The following KATNIP variants were observed in gnomAD, a reference collection of about 807,000 sequenced individuals.
KATNIP encodes katanin interacting protein.
In KATNIP, 126 loss-of-function variants were observed where a neutral mutation model predicts 174.0. The observed-to-expected ratio is 0.72, with a 90% CI of 0.63 to 0.84. The LOEUF (loss-of-function observed/expected upper bound fraction) is 0.84, where lower values mean the gene tolerates loss of function less well. Among genes scored for constraint, KATNIP ranks in the 40% least tolerant of loss-of-function variants. The pLI is 0.00. For missense variants in KATNIP, 1,958 were observed against 2,109.7 expected (o/e 0.93, Z 1.41); for synonymous variants, 810 against 835.7 (o/e 0.97, Z 0.53).
At chr16:27,656,143 C>A (rs2077274627) in intron 6 of KATNIP, among the ~76,000 whole-genome samples, 1 of 152,044 alleles carries the variant, frequency 6.6e-6, no homozygotes, top group Non-Finnish European at 1.5e-5. Context: ...ATGTCAGTGG[C>A]AGCCAGGTGC....
chr16:27,578,474 T>C (rs2090578755), intron 2 of KATNIP, among the ~76,000 whole-genome samples: 1 of 152,086 alleles, frequency 6.6e-6, no homozygotes, highest in Non-Finnish European at 1.5e-5. Context: ...AAGAAGAGAA[T>C]GATAAACATT....
intron 13 of KATNIP, among the ~76,000 whole-genome samples, chr16:27,716,674 C>G (rs1252526286): frequency 1.3e-5 from 2 of 152,076 alleles, no homozygotes; most frequent in Non-Finnish European, 2.9e-5. Context: ...TCTAAAGATA[C>G]AGACATTTGA....
rs371323719 is a variant in KATNIP at position 27,628,740 on chromosome 16, A to T, written c.220A>T (p.Asn74Tyr). 6.2e-6 allele frequency: 10 copies of T among 1,614,070 alleles called. No individual in the cohort carries two copies. The highest frequency in any genetic ancestry group is 5.3e-5 in the African/African-American group (4 of 74,916). The change falls in exon 4 of 28, where the codon AAC becomes TAC. Residue 74 changes from asparagine to tyrosine, a missense_variant. This residue lies in a region of KATNIP where 1,557 missense variants were observed against 1,617.8 expected (regional missense o/e 0.96). Transcript: ENST00000261588. Reference protein sequence around the residue: ...HLEQGFSVYVNGANSELKSSP... With the variant: ...HLEQGFSVYVYGANSELKSSP... The stretch of plus-strand genomic sequence containing the variant: ...GGAGCAAGGTTTCTCTGTCTATGTC[A>T]ACGGTGCCAATTCGGAGCTGAAATC...
chr16:27,767,780 C>T (rs558973036), intron 20 of KATNIP, among the ~76,000 whole-genome samples: 54 of 152,318 alleles, frequency 3.5e-4, no homozygotes, highest in African/African-American at 1.2e-3. Flanking sequence ...TGGCCCTCCC[C>T]GTGTAGCAGG....
chr16:27,620,671 G>A (rs993719810), intron 3 of KATNIP, among the ~76,000 whole-genome samples: 1 of 152,182 alleles, frequency 6.6e-6, no homozygotes, highest in African/African-American at 2.4e-5. Context: ...TAGCCTCTGA[G>A]CTTTACGCTG....
At chr16:27,579,489 T>C (rs560874273) in intron 2 of KATNIP, among the ~76,000 whole-genome samples, 3 of 152,318 alleles carry the variant, frequency 2.0e-5, no homozygotes, top group Non-Finnish European at 4.4e-5. Context: ...TTAGTTGTTA[T>C]ATTACTTGAA....
At chr16:27,650,819 A>G (rs889195584) in intron 6 of KATNIP, among the ~76,000 whole-genome samples, 2 of 152,244 alleles carry the variant, frequency 1.3e-5, no homozygotes, top group Admixed American at 6.5e-5. Flanking sequence ...GGAATGATCC[A>G]ATGACTTTGT....
At chr16:27,701,534 C>A in intron 10 of KATNIP, 55 bp from the exon 11 acceptor site, 1 of 1,397,142 alleles carries the variant, frequency 7.2e-7, no homozygotes, top group African/African-American at 1.4e-5. Flanking sequence ...CCTGCTGTGT[C>A]TTAGGCCAGG....
intron 2 of KATNIP, among the ~76,000 whole-genome samples, chr16:27,577,794 G>A (rs1437918034): frequency 1.3e-5 from 2 of 152,022 alleles, no homozygotes; most frequent in Non-Finnish European, 2.9e-5. Context: ...TATCGCTTGA[G>A]CCCAGGAGTT....
intron 2 of KATNIP, among the ~76,000 whole-genome samples, chr16:27,600,971 G>T (rs865872425): frequency 6.6e-6 from 1 of 152,016 alleles, no homozygotes. Flanking sequence ...GACCTCAGGT[G>T]ATCCACCCGC....
At chr16:27,600,085 A>G (rs1298383254) in intron 2 of KATNIP, among the ~76,000 whole-genome samples, 1 of 152,082 alleles carries the variant, frequency 6.6e-6, no homozygotes, top group Non-Finnish European at 1.5e-5. Flanking sequence ...TTGGTAGGTC[A>G]TTTGATTAAA....
In KATNIP at chr16:27,769,890, C is replaced by T; in HGVS notation, c.4005C>T (p.Gly1335=). 6.2e-7 allele frequency: 1 copy of T among 1,614,222 alleles called. No homozygotes were observed. The highest frequency in any genetic ancestry group is 8.5e-7 in the Non-Finnish European group (1 of 1,180,040). ...AGATTGTCCACGTCTCCCTGGATGG[C>T]CTGTGCGTCTCCCCGCCAGAGGGCT... ...GAKIVHVSLD[G]LCVSPPEGFL... The change falls in exon 21 of 28, where the codon GGC becomes GGT. Residue 1335 remains glycine, a synonymous_variant. Coordinates refer to ENST00000261588, the MANE Select transcript of KATNIP (RefSeq NM_015202.5).
At position 27,672,263 on chromosome 16, in the gene KATNIP, G is replaced by C. The variant is rs74019414; in HGVS notation, c.541-5466G>C. Reference sequence around the variant, plus strand: ...CTGCCTCCTGGCCTTTGTCTCTGCTGTTCCTACCCCCAAGACAGCCTTGTG... The same window carrying C: ...CTGCCTCCTGGCCTTTGTCTCTGCTCTTCCTACCCCCAAGACAGCCTTGTG... On this transcript the variant is annotated intron_variant, in intron 6 of 27. Transcript: ENST00000261588. Among the ~76,000 whole-genome samples, 543 of 152,094 alleles carry C rather than the reference G, an allele frequency of 3.6e-3. 6 individuals are homozygous for C. Among genetic ancestry groups the C allele is most frequent in the African/African-American group, 0.012 (517 of 41,486 alleles).
At chr16:27,650,812 A>G in intron 6 of KATNIP, among the ~76,000 whole-genome samples, 1 of 152,208 alleles carries the variant, frequency 6.6e-6, no homozygotes, top group East Asian at 1.9e-4. Context: ...TTTCTATGGA[A>G]TGATCCAATG....
chr16:27,719,072 C>T (rs1567344000), intron 13 of KATNIP, among the ~76,000 whole-genome samples: 1 of 152,174 alleles, frequency 6.6e-6, no homozygotes, highest in East Asian at 1.9e-4. Context: ...AGGGACAACT[C>T]AGCCAGTGTC....
At chr16:27,655,034 C>T (rs1167233555) in intron 6 of KATNIP, among the ~76,000 whole-genome samples, 1 of 151,148 alleles carries the variant, frequency 6.6e-6, no homozygotes, top group African/African-American at 2.4e-5. Flanking sequence ...GAAACTGAGG[C>T]CGGAGGATCA....
chr16:27,731,810 G>A (rs1191754896), intron 14 of KATNIP, among the ~76,000 whole-genome samples: 2 of 152,036 alleles, frequency 1.3e-5, no homozygotes, highest in Non-Finnish European at 2.9e-5. Context: ...TAGTAGAGAT[G>A]GGATTTCACC....
At chr16:27,688,772 T>C (rs952256953) in intron 8 of KATNIP, among the ~76,000 whole-genome samples, 4 of 152,324 alleles carry the variant, frequency 2.6e-5, no homozygotes, top group South Asian at 2.1e-4. Flanking sequence ...AGGCATTTCA[T>C]TGATGGCCTA....
chr16:27,738,488 C>T (rs779884908), intron 14 of KATNIP, among the ~76,000 whole-genome samples: 1 of 152,082 alleles, frequency 6.6e-6, no homozygotes, highest in Non-Finnish European at 1.5e-5. Context: ...GAGGATGACA[C>T]AAGTGAAACA....
Sources: allele counts gnomAD v4.1 joint callset (sites outside exome capture counted in the v4.1 genomes callset), GRCh38; gene constraint gnomAD v4.1.1; regional missense constraint gnomAD v4.1.1; transcripts MANE v1.5; gene names NCBI Gene and HGNC (gene_info 2026-07-23, HGNC 2026-07-21).